The following SCNN1G variants were observed in gnomAD, a reference collection of about 807,000 sequenced individuals.
The protein encoded by SCNN1G is epithelial sodium channel subunit gamma.
A neutral mutation model predicts 64.6 loss-of-function variants in SCNN1G; 27 were observed. The ratio of observed to expected loss-of-function variants is 0.42; its 90% CI spans 0.31 to 0.58. The LOEUF (loss-of-function observed/expected upper bound fraction) is 0.58, where lower values mean the gene tolerates loss of function less well. SCNN1G is among the 20% of genes least tolerant of loss of function. The probability of loss-of-function intolerance (pLI) is 0.18; values close to 1 mark genes in which losing one functional copy is unlikely to be tolerated. For synonymous variants in SCNN1G, 330 were observed against 314.2 expected, an observed-to-expected ratio of 1.05 and a Z score of -0.53; for missense variants, 743 against 823.4, an observed-to-expected ratio of 0.90 and a Z score of 1.19.
At chr16:23,210,376 C>A (rs918634051) in intron 7 of SCNN1G, among the ~76,000 whole-genome samples, 18 of 152,146 alleles carry the variant, frequency 1.2e-4, no homozygotes, top group Non-Finnish European at 2.2e-4. Context: ...AGATTTCCAG[C>A]CTCTCGAAAA....
In SCNN1G at chr16:23,215,143, T is replaced by G; in HGVS notation, c.1624T>G (p.Ser542Ala). The change falls in exon 13 of 13, where the codon TCT becomes GCT. Residue 542 changes from serine (S) to alanine (A), a missense_variant. Physicochemically the swap from Ser to Ala is moderately conservative, Grantham distance 99. Coordinates refer to ENST00000300061, the MANE Select transcript of SCNN1G (RefSeq NM_001039.4). Reference sequence around the variant, plus strand: ...CCAGCTGGGCCTGTGGATGAGCTGCTCTGTTGTCTGCGTCATCGAGATCAT... The same window carrying G: ...CCAGCTGGGCCTGTGGATGAGCTGCGCTGTTGTCTGCGTCATCGAGATCAT... ...GGQLGLWMSC[S>A]VVCVIEIIEV... 1 of 1,614,134 alleles carries G rather than the reference T, an allele frequency of 6.2e-7. No homozygotes were observed. Among genetic ancestry groups the G allele is most frequent in the Non-Finnish European group, 8.5e-7 (1 of 1,180,022 alleles).
intron 6 of SCNN1G, among the ~76,000 whole-genome samples, chr16:23,197,704 AC>A (rs1442815276): frequency 6.6e-6 from 1 of 151,998 alleles, no homozygotes; most frequent in Non-Finnish European, 1.5e-5. Flanking sequence ...ACTTGGTGAA[AC>A]CTGTCTCTAC....
At chr16:23,185,433 A>G (rs1959590558) in intron 1 of SCNN1G, among the ~76,000 whole-genome samples, 1 of 152,186 alleles carries the variant, frequency 6.6e-6, no homozygotes, top group Non-Finnish European at 1.5e-5. Context: ...GATGAATGTG[A>G]TAATTTGCCT....
chr16:23,209,650 C>T, intron 6 of SCNN1G, 100 bp from the exon 7 acceptor site: 1 of 859,742 alleles, frequency 1.2e-6, no homozygotes, highest in Non-Finnish European at 2.0e-6. Context: ...TCTCAGCTCC[C>T]AAGGGCTGCT....
rs11865345 is a variant in SCNN1G at position 23,189,272 on chromosome 16, T to C, written c.318-99T>C. ...GCCAAGGAGTTGGGAAAGGTGGGCATGAGGCTGACACGTGTTGATGGAAAA... is the reference window on the plus strand; with the variant it reads ...GCCAAGGAGTTGGGAAAGGTGGGCACGAGGCTGACACGTGTTGATGGAAAA... On this transcript the variant is annotated intron_variant, in intron 2 of 12. Transcript: ENST00000300061. 375,214 of 1,246,104 alleles carry C rather than the reference T, an allele frequency of 0.3. 58,788 individuals are homozygous for C. Among genetic ancestry groups the C allele is most frequent in the Admixed American group, 0.41 (24,226 of 58,972 alleles). The allele number at this position is 1,246,104 out of a possible 1,614,324, so 77.2% of individuals were successfully genotyped here.
At chr16:23,187,121 T>C (rs1959623033) in intron 2 of SCNN1G, among the ~76,000 whole-genome samples, 1 of 150,030 alleles carries the variant, frequency 6.7e-6, no homozygotes, top group African/African-American at 2.5e-5. Flanking sequence ...TTTTTTTTTT[T>C]TTTTGGAGGC....
rs756381354 is a variant in SCNN1G, at chr16:23,212,139, C to A, written c.1282C>A (p.His428Asn). The A allele has an allele frequency of 1.9e-6, 3 of 1,610,482 alleles. No individual in the cohort carries two copies. Among genetic ancestry groups the A allele is most frequent in the Middle Eastern group, 1.7e-4 (1 of 6,042 alleles). Residue 428 changes from histidine (H) to asparagine (N), a missense_variant, in exon 8 of 13, where the codon CAC becomes AAC. His to Asn is a moderately conservative substitution (Grantham distance 68, BLOSUM62 1). Coordinates refer to ENST00000300061, the MANE Select transcript of SCNN1G (RefSeq NM_001039.4). ...AGCCAACTACTGCAACTACCAGCAG[C>A]ACCCCAACTGGAGTGAGTGAGACCC... ...PAANYCNYQQ[H>N]PNWMYCYYQL...
chr16:23,215,695 A>C lies in SCNN1G; in HGVS notation c.*226A>C. The C allele has an allele frequency of 1.7e-6, 1 of 602,504 alleles. No homozygotes were observed. 37.3% of individuals were successfully genotyped at this position (602,504 alleles called of 1,614,324 possible). ...CTCACAACTGTCCAGGCTGAGATAA[A>C]TCCCGGGACCTGAACTATTAGCACG... On this transcript the variant is annotated 3_prime_UTR_variant, in exon 13 of 13. Coordinates refer to ENST00000300061, the MANE Select transcript of SCNN1G (RefSeq NM_001039.4).
At chr16:23,183,984 C>T (rs1396217697) in intron 1 of SCNN1G, among the ~76,000 whole-genome samples, 2 of 152,064 alleles carry the variant, frequency 1.3e-5, no homozygotes, top group African/African-American at 2.4e-5. Context: ...AGACGATTAT[C>T]GTGAAAATTA....
rs762357961 is a variant in SCNN1G, at chr16:23,197,422, C to T, written c.1072C>T (p.His358Tyr). 1.2e-6 allele frequency: 2 copies of T among 1,613,412 alleles called. No homozygotes were observed. Among genetic ancestry groups the T allele is most frequent in the Admixed American group, 1.7e-5 (1 of 60,030 alleles). Residue 358 changes from histidine (H) to tyrosine (Y), a missense_variant, in exon 6 of 13, where the codon CAC (histidine) becomes TAC (tyrosine). Transcript: ENST00000300061. ...AGCAATGGTCACCTCTATAGGAATGCACCTGGTAAGAGAATATTCTCATTT... is the reference window on the plus strand; with the variant it reads ...AGCAATGGTCACCTCTATAGGAATGTACCTGGTAAGAGAATATTCTCATTT... Reference protein sequence around the residue: ...ETAMVTSIGMHLTESFKLSEP... With the variant: ...ETAMVTSIGMYLTESFKLSEP...
Position 23,199,761 on chromosome 16 carries a change from T to A in SCNN1G, c.1077+2334T>A, listed in dbSNP as rs187608369. Among the ~76,000 whole-genome samples the A allele has an allele frequency of 9.8e-3, 1,302 of 133,078 alleles. 24 individuals are homozygous for A. Among genetic ancestry groups the A allele is most frequent in the South Asian group, 0.078 (291 of 3,736 alleles). 87.3% of individuals were successfully genotyped at this position (133,078 alleles called of 152,430 possible). On this transcript the variant is annotated intron_variant, in intron 6 of 12. Coordinates refer to ENST00000300061, the MANE Select transcript of SCNN1G (RefSeq NM_001039.4). ...ATCTTGGCTTACTGCAAGCTCCACA[T>A]CCCAGGTTCATGCCACTCTCCTGCC...
intron 2 of SCNN1G, among the ~76,000 whole-genome samples, chr16:23,187,045 AC>A (rs535399469): frequency 9.8e-5 from 14 of 143,032 alleles, no homozygotes; most frequent in Non-Finnish European, 2.0e-4. Flanking sequence ...CAGGTGATCC[AC>A]CCGCCTTGGC....
At chr16:23,184,690 GC>G (rs1959577388) in intron 1 of SCNN1G, among the ~76,000 whole-genome samples, 1 of 152,016 alleles carries the variant, frequency 6.6e-6, no homozygotes, top group African/African-American at 2.4e-5. Flanking sequence ...AAGCTTGGAA[GC>G]CTCCTAGCTT....
chr16:23,207,583 C>T (rs1047322541), intron 6 of SCNN1G, among the ~76,000 whole-genome samples: 3 of 152,134 alleles, frequency 2.0e-5, no homozygotes, highest in Non-Finnish European at 2.9e-5. Flanking sequence ...GTGAGAAGGG[C>T]GGGTTGCAGG....
intron 2 of SCNN1G, among the ~76,000 whole-genome samples, chr16:23,187,569 C>A (rs1490229841): frequency 6.6e-6 from 1 of 152,200 alleles, no homozygotes; most frequent in African/African-American, 2.4e-5. Flanking sequence ...GCACCCCTGG[C>A]TCTCCGAGCT....
rs891972558 is a variant in SCNN1G, at chr16:23,216,784, C to T, written c.*1315C>T. ...GCCCAGCCAAGAATTTTTATTTTTG[C>T]TTTTAAATAGCAAAAGAAGAAGATT... On this transcript the variant is annotated 3_prime_UTR_variant, in exon 13 of 13. Coordinates refer to ENST00000300061, the MANE Select transcript of SCNN1G (RefSeq NM_001039.4). 6.6e-6 allele frequency: 1 copy of T among 152,108 alleles called. No individual in the cohort carries two copies. The highest frequency in any genetic ancestry group is 2.4e-5 in the African/African-American group (1 of 41,432). 9.4% of individuals were successfully genotyped at this position (152,108 alleles called of 1,614,324 possible).
In SCNN1G at chr16:23,215,818, C is replaced by T. The variant is rs1176166319; in HGVS notation, c.*349C>T. 1 of 357,880 alleles carries T rather than the reference C, an allele frequency of 2.8e-6. No individual in the cohort carries two copies. Among genetic ancestry groups the T allele is most frequent in the Non-Finnish European group, 5.2e-6 (1 of 190,732 alleles). 22.2% of individuals were successfully genotyped at this position (357,880 alleles called of 1,614,324 possible). On this transcript the variant is annotated 3_prime_UTR_variant, in exon 13 of 13. Coordinates refer to ENST00000300061, the MANE Select transcript of SCNN1G (RefSeq NM_001039.4). ...TTACGGGTCTTGAGAGGGAAGGACTCTTCCAAAGCCCCAAAGCCGAGGGTT... is the reference window on the plus strand; with the variant it reads ...TTACGGGTCTTGAGAGGGAAGGACTTTTCCAAAGCCCCAAAGCCGAGGGTT...
intron 7 of SCNN1G, among the ~76,000 whole-genome samples, chr16:23,211,757 A>G (rs1427605080): frequency 2.0e-5 from 3 of 152,224 alleles, no homozygotes; most frequent in Non-Finnish European, 2.9e-5. Context: ...GGTTGCAGTG[A>G]GCTGAGATCA....
chr16:23,197,724 C>CA (rs1959818994), intron 6 of SCNN1G, among the ~76,000 whole-genome samples: 1 of 151,962 alleles, frequency 6.6e-6, no homozygotes, highest in South Asian at 2.1e-4. Context: ...ACTAAAAATA[C>CA]AAAAAATTAG....
Sources: gnomAD v4.1 joint callset for allele counts (sites outside exome capture counted in the v4.1 genomes callset) on GRCh38, gnomAD v4.1.1 for gene constraint, MANE v1.5 for transcripts, NCBI Gene and HGNC (gene_info 2026-07-23, HGNC 2026-07-21) for gene names.